Variants in PPP3CA observed in about 807,000 individuals in gnomAD.
PPP3CA encodes protein phosphatase 3 catalytic subunit alpha, also known as CAM-PRP catalytic subunit.
PPP3CA carries 14 observed loss-of-function variants against 66.5 expected under a neutral mutation model. That is an observed-to-expected ratio of 0.21 (90% CI 0.14 to 0.33). The LOEUF is 0.33. Among genes scored for constraint, PPP3CA ranks in the 10% least tolerant of loss-of-function variants. The pLI is 1.00. For missense variants in PPP3CA, 317 were observed against 639.5 expected, an observed-to-expected ratio of 0.50 and a Z score of 5.44; for synonymous variants, 232 against 226.2, an observed-to-expected ratio of 1.03 and a Z score of -0.23.
chr4:101,171,631 A>G (rs1300281983), intron 2 of PPP3CA, among the ~76,000 whole-genome samples: 3 of 152,164 alleles, frequency 2.0e-5, no homozygotes, highest in Admixed American at 2.0e-4. Flanking sequence ...AGTAGGCATA[A>G]GGCTGGATTA....
At chr4:101,210,773 C>T (rs998003175) in intron 1 of PPP3CA, among the ~76,000 whole-genome samples, 14 of 152,178 alleles carry the variant, frequency 9.2e-5, no homozygotes, top group African/African-American at 2.6e-4. Context: ...ATAAAACATT[C>T]GCTGCCAGTA....
At chr4:101,231,634 T>C (rs550009420) in intron 1 of PPP3CA, among the ~76,000 whole-genome samples, 56 of 151,762 alleles carry the variant, frequency 3.7e-4, no homozygotes, top group African/African-American at 1.3e-3. Context: ...AAGAAAGAAA[T>C]TGTATCCTTT....
At chr4:101,106,373 AAAAGAAAGAAAG>A (rs1156736728) in intron 3 of PPP3CA, among the ~76,000 whole-genome samples, 5 of 14,080 alleles carry the variant, frequency 3.6e-4, no homozygotes, top group Admixed American at 9.0e-4. Flanking sequence ...TAAAAGAGAG[AAAAGAAAGAAAG>A]AAAGAAAGAA....
intron 1 of PPP3CA, among the ~76,000 whole-genome samples, chr4:101,313,093 C>T (rs1470934729): frequency 1.3e-5 from 2 of 152,122 alleles, no homozygotes; most frequent in Non-Finnish European, 2.9e-5. Context: ...TCTGTCCTTA[C>T]TTATTACTAA....
chr4:101,037,454 A>G (rs573153996), intron 11 of PPP3CA, among the ~76,000 whole-genome samples: 2 of 152,328 alleles, frequency 1.3e-5, no homozygotes, highest in East Asian at 3.9e-4. Context: ...ACAAATTTGT[A>G]CCACATTCCA....
chr4:101,335,370 T>A (rs543211517), intron 1 of PPP3CA, among the ~76,000 whole-genome samples: 1 of 152,042 alleles, frequency 6.6e-6, no homozygotes, highest in African/African-American at 2.4e-5. Context: ...TAGCTGTCTT[T>A]GTGGCATGAT....
rs59988569 is a variant in PPP3CA at position 101,048,509 on chromosome 4, CAAAAAAAAAA to C, written c.1157-7953_1157-7944del. On this transcript the variant is annotated intron_variant, in intron 10 of 13. Transcript: ENST00000394854. ...CCAGAGATTGTTTGCTTTCTCTCAC[CAAAAAAAAAA>C]AAAAAAAAAAAAAAAAGCCATATGT... is the stretch of plus-strand genomic sequence containing the variant. Among the ~76,000 whole-genome samples the C allele has an allele frequency of 1.5e-3, 102 of 66,318 alleles. 2 individuals are homozygous for C. The highest frequency in any genetic ancestry group is 0.014 in the Middle Eastern group (2 of 146). The allele number at this position is 66,318 out of a possible 152,430, so 43.5% of individuals were successfully genotyped here.
intron 2 of PPP3CA, among the ~76,000 whole-genome samples, chr4:101,172,829 G>A (rs373177372): frequency 4.0e-5 from 6 of 151,894 alleles, no homozygotes; most frequent in Admixed American, 2.0e-4. Context: ...TAAAACCCAC[G>A]TCCTCACTTA....
intron 1 of PPP3CA, among the ~76,000 whole-genome samples, chr4:101,251,358 T>G (rs888465052): frequency 6.6e-6 from 1 of 152,002 alleles, no homozygotes; most frequent in South Asian, 2.1e-4. Flanking sequence ...TCTTTACTTA[T>G]GTTTTGCTAA....
At chr4:101,192,372 T>C (rs1446923096) in intron 2 of PPP3CA, among the ~76,000 whole-genome samples, 2 of 152,256 alleles carry the variant, frequency 1.3e-5, no homozygotes, top group African/African-American at 2.4e-5. Flanking sequence ...CAGGACACTA[T>C]TCCAGCCACA....
intron 1 of PPP3CA, among the ~76,000 whole-genome samples, chr4:101,250,871 A>G (rs1726652388): frequency 6.6e-6 from 1 of 152,134 alleles, no homozygotes; most frequent in African/African-American, 2.4e-5. Flanking sequence ...AAAATTTTAA[A>G]GACAAATAAA....
At chr4:101,281,403 T>C (rs1409585625) in intron 1 of PPP3CA, among the ~76,000 whole-genome samples, 1 of 152,194 alleles carries the variant, frequency 6.6e-6, no homozygotes, top group Admixed American at 6.5e-5. Flanking sequence ...AAAATGCTGA[T>C]GCAGAAAAGA....
intron 13 of PPP3CA, among the ~76,000 whole-genome samples, chr4:101,028,531 C>T (rs145240882): frequency 2.0e-5 from 3 of 152,254 alleles, no homozygotes; most frequent in Non-Finnish European, 2.9e-5. Flanking sequence ...TTCTTGTTAT[C>T]GGCCACTTCC....
At chr4:101,070,221 CTTAA>C (rs1728858666) in intron 8 of PPP3CA, among the ~76,000 whole-genome samples, 1 of 151,684 alleles carries the variant, frequency 6.6e-6, no homozygotes, top group South Asian at 2.1e-4. Flanking sequence ...ATGGTTGATG[CTTAA>C]TTGTGTTGTT....
chr4:101,317,975 G>C (rs1728931568), intron 1 of PPP3CA, among the ~76,000 whole-genome samples: 1 of 152,172 alleles, frequency 6.6e-6, no homozygotes, highest in Non-Finnish European at 1.5e-5. Context: ...AGTAGGTTGA[G>C]ATAGTACCAG....
At chr4:101,220,321 T>C (rs542653439) in intron 1 of PPP3CA, among the ~76,000 whole-genome samples, 14 of 151,232 alleles carry the variant, frequency 9.3e-5, no homozygotes, top group South Asian at 8.3e-4. Flanking sequence ...ATTTGTTTAC[T>C]TTACTTAATA....
intron 1 of PPP3CA, among the ~76,000 whole-genome samples, chr4:101,324,038 G>A (rs566965325): frequency 1.3e-5 from 2 of 152,080 alleles, no homozygotes; most frequent in East Asian, 3.9e-4. Context: ...ACTTGAACCT[G>A]GGAGGCAGAG....
At chr4:101,314,569 C>CAAAA (rs748980814) in intron 1 of PPP3CA, among the ~76,000 whole-genome samples, 101 of 75,232 alleles carry the variant, frequency 1.3e-3, no homozygotes, top group African/African-American at 4.0e-3. Context: ...ATCTCAAAAC[C>CAAAA]AAAAAAAAAA....
At chr4:101,341,125 A>G (rs868550170) in intron 1 of PPP3CA, among the ~76,000 whole-genome samples, 1 of 152,144 alleles carries the variant, frequency 6.6e-6, no homozygotes, top group African/African-American at 2.4e-5. Flanking sequence ...ATAGTTAATT[A>G]TTTAGTAAAA....
Sources: allele counts gnomAD v4.1 joint callset (sites outside exome capture counted in the v4.1 genomes callset), GRCh38; gene constraint gnomAD v4.1.1; transcripts MANE v1.5; gene names NCBI Gene and HGNC (gene_info 2026-07-23, HGNC 2026-07-21).